The following PPIP5K1 variants were observed in gnomAD, a reference collection of about 807,000 sequenced individuals.
PPIP5K1 encodes the protein inositol hexakisphosphate and diphosphoinositol-pentakisphosphate kinase 1.
Under a neutral mutation model 27.7 loss-of-function variants are expected in PPIP5K1, and 6 were observed. That is an observed-to-expected ratio of 0.22 (90% CI 0.12 to 0.43). PPIP5K1 has a LOEUF of 0.43. Among genes scored for constraint, PPIP5K1 ranks in the 20% least tolerant of loss-of-function variants. The probability of loss-of-function intolerance (pLI) is 1.00; values close to 1 mark genes in which losing one functional copy is unlikely to be tolerated. For missense variants in PPIP5K1, 394 were observed against 635.4 expected, an observed-to-expected ratio of 0.62 and a Z score of 4.08; for synonymous variants, 145 against 242.6, an observed-to-expected ratio of 0.60 and a Z score of 3.74.
At position 43,534,731 on chromosome 15, in the gene PPIP5K1, T is replaced by C. The variant is rs1412775410; in HGVS notation, c.4416A>G (p.Gln1472=). 2.6e-6 allele frequency: 4 copies of C among 1,543,302 alleles called. No individual in the cohort carries two copies. Among genetic ancestry groups the C allele is most frequent in the East Asian group, 4.5e-5 (2 of 44,316 alleles). Residue 1472 remains glutamine (Q), a synonymous_variant, in exon 32 of 32, where the codon CAA becomes CAG. Transcript: ENST00000420765. ...GCAGATCAATCTCCTCAGGGAACTC[T>C]TGGGATGGTTTATCAATCTCAGGGA... ...QGIPEIDKPS[Q]EFPEEIDLQA...
chr15:43,558,231 ATTT>A (rs10710217), intron 30 of PPIP5K1, among the ~76,000 whole-genome samples: 1 of 133,776 alleles, frequency 7.5e-6, no homozygotes, highest in Non-Finnish European at 1.6e-5. Context: ...TAATGTTTGT[ATTT>A]TTTTTTTTTT....
intron 30 of PPIP5K1, among the ~76,000 whole-genome samples, chr15:43,551,464 G>A (rs1225181776): frequency 6.8e-6 from 1 of 147,516 alleles, no homozygotes; most frequent in African/African-American, 2.5e-5. Flanking sequence ...ATTGCAGTGA[G>A]CTGAGATGAT....
chr15:43,535,819 G>GAA (rs1293594595), intron 31 of PPIP5K1, among the ~76,000 whole-genome samples: 1 of 152,070 alleles, frequency 6.6e-6, no homozygotes, highest in Non-Finnish European at 1.5e-5. Flanking sequence ...GAATACTTTA[G>GAA]CCCAGTGGTT....
In PPIP5K1 at chr15:43,534,953, C is replaced by T. The variant is rs2079632659; in HGVS notation, c.4194G>A (p.Gly1398=). Residue 1398 remains glycine, a synonymous_variant, in exon 32 of 32, where the codon GGG becomes GGA. Coordinates refer to ENST00000420765, the MANE Select transcript of PPIP5K1 (RefSeq NM_001394395.1). ...CCAGCTTGCCAACCTCCACAGAGAC[C>T]CCCTGGCATGGCTGGCTGACCTCCT... The part of the protein sequence containing the change: ...NSEEVSQPCQ[G]VSVEVGKLVH... The T allele has an allele frequency of 2.5e-6, 4 of 1,614,180 alleles. No individual in the cohort carries two copies. The highest frequency in any genetic ancestry group is 2.5e-6 in the Non-Finnish European group (3 of 1,180,030).
At chr15:43,557,655 CTT>C (rs959865919) in intron 30 of PPIP5K1, among the ~76,000 whole-genome samples, 4 of 151,662 alleles carry the variant, frequency 2.6e-5, no homozygotes, top group African/African-American at 9.7e-5. Flanking sequence ...TCTCTCTTCT[CTT>C]TCTCTCTCTC....
chr15:43,541,730 G>GAA (rs1555422535), intron 30 of PPIP5K1, among the ~76,000 whole-genome samples: 3 of 109,994 alleles, frequency 2.7e-5, no homozygotes, highest in Admixed American at 9.2e-5. Context: ...TCTCAAAAAA[G>GAA]AAAAAAAAAA....
At chr15:43,555,584 C>A (rs1211997718) in intron 30 of PPIP5K1, among the ~76,000 whole-genome samples, 1 of 151,630 alleles carries the variant, frequency 6.6e-6, no homozygotes, top group Non-Finnish European at 1.5e-5. Flanking sequence ...CCATGCCTGG[C>A]TGAATTTTTG....
intron 31 of PPIP5K1, chr15:43,536,011 T>A: frequency 9.3e-7 from 1 of 1,070,950 alleles, no homozygotes. Flanking sequence ...TAAGAATCAT[T>A]CTTTAAAGCA....
At chr15:43,541,541 A>G (rs2080711555) in intron 30 of PPIP5K1, among the ~76,000 whole-genome samples, 1 of 152,104 alleles carries the variant, frequency 6.6e-6, no homozygotes, top group African/African-American at 2.4e-5. Flanking sequence ...ATATGGAGAA[A>G]TTCCATTTCT....
Position 43,534,614 on chromosome 15 carries a change from G to T in PPIP5K1, c.*60C>A. ...GGTTTGGATCACCAGATGGATGCTGGGCTTGAGGAATACCCTCTCCAGGCA... is the reference window on the plus strand; with the variant it reads ...GGTTTGGATCACCAGATGGATGCTGTGCTTGAGGAATACCCTCTCCAGGCA... On this transcript the variant is annotated 3_prime_UTR_variant, in exon 32 of 32. Coordinates refer to ENST00000420765, the MANE Select transcript of PPIP5K1 (RefSeq NM_001394395.1). 1 of 1,434,774 alleles carries T rather than the reference G, an allele frequency of 7.0e-7. No homozygotes were observed. Among genetic ancestry groups the T allele is most frequent in the Non-Finnish European group, 9.4e-7 (1 of 1,068,660 alleles). The allele number at this position is 1,434,774 out of a possible 1,614,324, so 88.9% of individuals were successfully genotyped here.
chr15:43,539,661 A>G (rs1299395542), intron 30 of PPIP5K1, 78 bp from the exon 31 acceptor site: 2 of 915,906 alleles, frequency 2.2e-6, no homozygotes, highest in Non-Finnish European at 3.4e-6. Flanking sequence ...CACGTTCTCA[A>G]CATAAGTCAA....
At chr15:43,535,912 G>A (rs987167065) in intron 31 of PPIP5K1, among the ~76,000 whole-genome samples, 5 of 152,278 alleles carry the variant, frequency 3.3e-5, no homozygotes, top group South Asian at 2.1e-4. Flanking sequence ...TAGGTTTAGC[G>A]TAAAGGTGTA....
intron 30 of PPIP5K1, among the ~76,000 whole-genome samples, chr15:43,554,888 G>A (rs1361909035): frequency 6.6e-6 from 1 of 151,654 alleles, no homozygotes; most frequent in Non-Finnish European, 1.5e-5. Context: ...TACGCTGGAG[G>A]CCAGTAGCAC....
intron 1 of PPIP5K1, among the ~76,000 whole-genome samples, chr15:43,586,594 A>ATT: frequency 1.7e-5 from 1 of 59,532 alleles, no homozygotes; most frequent in Admixed American, 2.2e-4. Flanking sequence ...GCTACTCAAT[A>ATT]GACTGAGGTG....
chr15:43,578,535 CAAAAAAAAAAAA>C (rs150737493), intron 11 of PPIP5K1, among the ~76,000 whole-genome samples: 2 of 29,606 alleles, frequency 6.8e-5, no homozygotes, highest in Admixed American at 5.2e-4. Context: ...GATCCTGTCG[CAAAAAAAAAAAA>C]AAAAAAAAAA....
chr15:43,542,940 G>A (rs2080949181), intron 30 of PPIP5K1, among the ~76,000 whole-genome samples: 2 of 151,966 alleles, frequency 1.3e-5, no homozygotes, highest in Non-Finnish European at 2.9e-5. Flanking sequence ...TCAGCCTCCT[G>A]AGTAGCTACA....
chr15:43,549,892 G>T (rs2081978109), intron 30 of PPIP5K1, among the ~76,000 whole-genome samples: 1 of 152,172 alleles, frequency 6.6e-6, no homozygotes, highest in Admixed American at 6.6e-5. Flanking sequence ...GATTGCTCCA[G>T]CACAGGAGGT....
intron 30 of PPIP5K1, 28 bp from the exon 31 acceptor site, chr15:43,539,611 G>A (rs888542907): frequency 2.2e-5 from 31 of 1,417,006 alleles, no homozygotes; most frequent in Admixed American, 1.2e-4. Flanking sequence ...TGAAGGGAGA[G>A]GGAAGAAAAA....
chr15:43,559,097 G>A (rs1312050570), intron 29 of PPIP5K1, among the ~76,000 whole-genome samples, 165 bp from the exon 30 acceptor site: 2 of 152,136 alleles, frequency 1.3e-5, no homozygotes, highest in East Asian at 3.9e-4. Context: ...AGCCCCTAGG[G>A]AGTCTGTTTT....
Sources: allele counts gnomAD v4.1 joint callset (sites outside exome capture counted in the v4.1 genomes callset), GRCh38; gene constraint gnomAD v4.1.1; transcripts MANE v1.5; gene names NCBI Gene and HGNC (gene_info 2026-07-23, HGNC 2026-07-21).